The following PRMT3 variants were observed in gnomAD, a reference collection of about 807,000 sequenced individuals.
PRMT3 encodes the protein protein arginine methyltransferase 3, also known as protein arginine N-methyltransferase 3.
A neutral mutation model predicts 71.9 loss-of-function variants in PRMT3; 62 were observed. That is an observed-to-expected ratio of 0.86 (90% CI 0.70 to 1.07). The LOEUF is 1.07. Among genes scored for constraint, PRMT3 ranks in the 50% least tolerant of loss-of-function variants. The probability of loss-of-function intolerance (pLI) is 0.00; values close to 1 mark genes in which losing one functional copy is unlikely to be tolerated. For synonymous variants in PRMT3, 213 were observed against 220.4 expected (o/e 0.97, Z 0.30); for missense variants, 663 against 643.0 (o/e 1.03, Z -0.34).
At chr11:20,433,344 TGGC>T (rs1849694476) in intron 10 of PRMT3, among the ~76,000 whole-genome samples, 2 of 152,156 alleles carry the variant, frequency 1.3e-5, no homozygotes, top group African/African-American at 4.8e-5. Flanking sequence ...CTAAAGATAA[TGGC>T]CTCCAGCTCC....
chr11:20,404,406 G>A lies in PRMT3; in HGVS notation c.771+1422G>A, dbSNP rs867915992. ...GTGCCACCACGCCCAGCTAATTTTT[G>A]TATTTTTAATAGAGACGGGGTTTCA... On this transcript the variant is annotated intron_variant, in intron 8 of 15. Transcript: ENST00000331079. Among the ~76,000 whole-genome samples, 202 of 151,478 alleles carry A rather than the reference G, an allele frequency of 1.3e-3. 2 individuals are homozygous for A. The highest frequency in any genetic ancestry group is 4.7e-3 in the African/African-American group (193 of 41,310).
intron 9 of PRMT3, among the ~76,000 whole-genome samples, 163 bp downstream of exon 9, chr11:20,408,195 A>T (rs1849115424): frequency 6.6e-6 from 1 of 152,266 alleles, no homozygotes; most frequent in East Asian, 1.9e-4. Context: ...TGAGCTAGAC[A>T]CATTTGAGCT....
intron 9 of PRMT3, 29 bp from the exon 10 acceptor site, chr11:20,426,737 C>T (rs1849554469): frequency 3.5e-6 from 5 of 1,422,786 alleles, no homozygotes; most frequent in Non-Finnish European, 4.6e-6. Context: ...TCTGTTTAAC[C>T]TACTAATCTA....
chr11:20,498,298 CAATT>C (rs1851378704), intron 15 of PRMT3, among the ~76,000 whole-genome samples: 2 of 152,110 alleles, frequency 1.3e-5, no homozygotes, highest in South Asian at 4.2e-4. Context: ...CGAAGAAACT[CAATT>C]AACCCGAAGA....
At chr11:20,476,795 C>T (rs778695690) in intron 13 of PRMT3, among the ~76,000 whole-genome samples, 2 of 151,630 alleles carry the variant, frequency 1.3e-5, no homozygotes, top group Non-Finnish European at 2.9e-5. Context: ...ATCTTTTTAT[C>T]TGAATTCCTT....
intron 8 of PRMT3, chr11:20,405,400 C>A (rs1446039666): frequency 1.3e-5 from 2 of 152,060 alleles, no homozygotes; most frequent in Non-Finnish European, 2.9e-5. Context: ...CTCTTTGATT[C>A]TATCAAATTT....
intron 10 of PRMT3, among the ~76,000 whole-genome samples, chr11:20,440,256 T>G (rs1849855593): frequency 6.6e-6 from 1 of 152,130 alleles, no homozygotes; most frequent in African/African-American, 2.4e-5. Flanking sequence ...TTTGATTGGC[T>G]GAGGCAGGAG....
chr11:20,457,252 CCT>C (rs1466918759), intron 11 of PRMT3, among the ~76,000 whole-genome samples: 1 of 152,144 alleles, frequency 6.6e-6, no homozygotes, highest in Non-Finnish European at 1.5e-5. Context: ...TTTTCAACCC[CCT>C]TTCTCCTTCC....
At chr11:20,464,665 C>T (rs1014195674) in intron 13 of PRMT3, 119 bp downstream of exon 13, 1 of 1,452,558 alleles carries the variant, frequency 6.9e-7, no homozygotes, top group Non-Finnish European at 9.1e-7. Flanking sequence ...TGACAGTCTA[C>T]CATTGCCTTT....
chr11:20,494,981 C>A (rs1228799917), intron 15 of PRMT3, among the ~76,000 whole-genome samples: 1 of 152,048 alleles, frequency 6.6e-6, no homozygotes, highest in African/African-American at 2.4e-5. Flanking sequence ...TGTAATAAGC[C>A]ACTTTGGGAG....
chr11:20,481,070 A>G (rs573656792), intron 13 of PRMT3, among the ~76,000 whole-genome samples: 1 of 152,270 alleles, frequency 6.6e-6, no homozygotes, highest in African/African-American at 2.4e-5. Flanking sequence ...GAAAATATCC[A>G]TCAAAATATG....
chr11:20,464,155 A>G (rs1005488911), intron 12 of PRMT3, among the ~76,000 whole-genome samples: 8 of 152,148 alleles, frequency 5.3e-5, no homozygotes, highest in African/African-American at 1.7e-4. Flanking sequence ...GAAAGTATTT[A>G]TTTTAGTGTG....
chr11:20,487,641 T>G (rs1173723294), intron 13 of PRMT3, among the ~76,000 whole-genome samples: 1 of 152,208 alleles, frequency 6.6e-6, no homozygotes, highest in Non-Finnish European at 1.5e-5. Context: ...TGATGTACAC[T>G]TATGTGCACT....
chr11:20,419,878 A>G (rs1330237914), intron 9 of PRMT3, among the ~76,000 whole-genome samples: 1 of 152,226 alleles, frequency 6.6e-6, no homozygotes, highest in Non-Finnish European at 1.5e-5. Flanking sequence ...TAATAAAAAT[A>G]TTGGAAAGCT....
intron 10 of PRMT3, among the ~76,000 whole-genome samples, chr11:20,444,728 T>C (rs1849985318): frequency 6.6e-6 from 1 of 152,152 alleles, no homozygotes; most frequent in South Asian, 2.1e-4. Flanking sequence ...TACTCTGTTA[T>C]TGTTGGAGTG....
chr11:20,401,157 A>G (rs553106371), intron 7 of PRMT3, among the ~76,000 whole-genome samples: 11 of 152,244 alleles, frequency 7.2e-5, no homozygotes, highest in Admixed American at 2.6e-4. Flanking sequence ...GCATTAGGAT[A>G]GCAGTTGGAA....
intron 15 of PRMT3, among the ~76,000 whole-genome samples, chr11:20,504,638 G>A (rs1232699876): frequency 2.0e-5 from 3 of 149,780 alleles, no homozygotes; most frequent in East Asian, 4.0e-4. Flanking sequence ...AAGTTGTTTT[G>A]TAGTTTATGT....
intron 15 of PRMT3, among the ~76,000 whole-genome samples, chr11:20,495,661 C>G (rs2133456288): frequency 6.6e-6 from 1 of 152,302 alleles, no homozygotes; most frequent in Non-Finnish European, 1.5e-5. Flanking sequence ...TGTTCACTTA[C>G]ATTAGCACCT....
intron 13 of PRMT3, among the ~76,000 whole-genome samples, chr11:20,485,446 T>C (rs1329789945): frequency 6.6e-6 from 1 of 152,160 alleles, no homozygotes; most frequent in African/African-American, 2.4e-5. Flanking sequence ...TGAAAAACTA[T>C]GCTTACTAAA....
Sources: gnomAD v4.1 joint callset for allele counts (sites outside exome capture counted in the v4.1 genomes callset) on GRCh38, gnomAD v4.1.1 for gene constraint, MANE v1.5 for transcripts, NCBI Gene and HGNC (gene_info 2026-07-23, HGNC 2026-07-21) for gene names.